MCTP2: variants seen among roughly 807,000 people sequenced by gnomAD.
MCTP2 encodes the protein multiple C2 and transmembrane domain containing 2, also known as multiple C2 and transmembrane domain-containing protein 2.
A neutral mutation model predicts 111.6 loss-of-function variants in MCTP2; 132 were observed. That is an observed-to-expected ratio of 1.18 (90% confidence interval 1.03 to 1.37). The LOEUF is 1.37. Among genes scored for constraint, MCTP2 ranks in the 40% most tolerant of loss-of-function variants. The pLI, the probability that MCTP2 is intolerant of heterozygous loss-of-function variation, is 0.00. For synonymous variants in MCTP2, 395 were observed against 387.7 expected, an observed-to-expected ratio of 1.02 and a Z score of -0.22; for missense variants, 1,183 against 1,067.9, an observed-to-expected ratio of 1.11 and a Z score of -1.50.
chr15:94,341,195 T>C (rs1278114295), intron 7 of MCTP2: 4 of 364,230 alleles, frequency 1.1e-5, no homozygotes, highest in African/African-American at 4.1e-5. Flanking sequence ...TTCTTTCTTC[T>C]TTTACTTTTA....
At chr15:94,332,926 C>T (rs193288455) in intron 4 of MCTP2, among the ~76,000 whole-genome samples, 1 of 152,162 alleles carries the variant, frequency 6.6e-6, no homozygotes, top group East Asian at 1.9e-4. Context: ...TAAACTGAAT[C>T]ATAGAAATAT....
At position 94,393,893 on chromosome 15, in the gene MCTP2, T is replaced by A. The variant is rs183094495; in HGVS notation, c.1789-5068T>A. 8.6e-5 allele frequency among the ~76,000 whole-genome samples: 13 copies of A among 151,500 alleles called. No individual in the cohort carries two copies. In the East Asian group the frequency reaches 2.3e-3, roughly 27 times the overall value. ...GGTGAAACCTTGTCTCTACTAAAAA[T>A]ACAAAAATTAGCTGGGCGTGGTGGC... On this transcript the variant is annotated intron_variant, in intron 14 of 22. Coordinates refer to ENST00000357742, the MANE Select transcript of MCTP2 (RefSeq NM_001385001.1).
intron 2 of MCTP2, among the ~76,000 whole-genome samples, chr15:94,302,050 T>C (rs902689155): frequency 2.0e-5 from 3 of 152,154 alleles, no homozygotes; most frequent in Non-Finnish European, 4.4e-5. Context: ...CAATCAGATT[T>C]TTGTCCAGTG....
chr15:94,454,025 A>G (rs1002331449), intron 19 of MCTP2, among the ~76,000 whole-genome samples: 1 of 152,228 alleles, frequency 6.6e-6, no homozygotes, highest in African/African-American at 2.4e-5. Flanking sequence ...TCGTACATAT[A>G]TGAAAAATGA....
chr15:94,308,714 CT>C (rs76169169), intron 2 of MCTP2, among the ~76,000 whole-genome samples: 2 of 151,484 alleles, frequency 1.3e-5, no homozygotes, highest in African/African-American at 4.9e-5. Flanking sequence ...GGTTGATAAA[CT>C]TTTTTTTTAG....
intron 17 of MCTP2, among the ~76,000 whole-genome samples, chr15:94,403,746 T>A (rs2081732936): frequency 6.6e-6 from 1 of 152,228 alleles, no homozygotes; most frequent in South Asian, 2.1e-4. Flanking sequence ...CTGAGCTTCA[T>A]GCCTCGGAGC....
chr15:94,379,375 G>T (rs533462085), intron 12 of MCTP2, among the ~76,000 whole-genome samples: 2 of 152,216 alleles, frequency 1.3e-5, no homozygotes, highest in East Asian at 1.9e-4. Context: ...TAAACAAATG[G>T]TTGGAAATAA....
At chr15:94,245,838 CA>C (rs1427778617) in intron 1 of MCTP2, among the ~76,000 whole-genome samples, 2 of 151,310 alleles carry the variant, frequency 1.3e-5, no homozygotes, top group East Asian at 3.9e-4. Context: ...CCCCCCCAGC[CA>C]AAAATATTGA....
At chr15:94,262,999 C>T (rs1041233536) in intron 1 of MCTP2, among the ~76,000 whole-genome samples, 1 of 152,156 alleles carries the variant, frequency 6.6e-6, no homozygotes, top group Non-Finnish European at 1.5e-5. Flanking sequence ...AGAAAATATA[C>T]TGCAGGAGTC....
At chr15:94,299,034 C>CT in intron 2 of MCTP2, among the ~76,000 whole-genome samples, 1 of 123,612 alleles carries the variant, frequency 8.1e-6, no homozygotes, top group Non-Finnish European at 1.7e-5. Context: ...TCTCTCCCTC[C>CT]CCCTCCCCCT....
At chr15:94,302,754 T>C (rs2075682763) in intron 2 of MCTP2, among the ~76,000 whole-genome samples, 1 of 152,202 alleles carries the variant, frequency 6.6e-6, no homozygotes. Flanking sequence ...ATAATGGTAG[T>C]CTCTTACTTT....
chr15:94,243,242 C>A (rs569541671), intron 1 of MCTP2, among the ~76,000 whole-genome samples: 1 of 147,782 alleles, frequency 6.8e-6, no homozygotes, highest in Admixed American at 6.7e-5. Context: ...CATACACATG[C>A]GTATATGCGT....
Position 94,419,544 on chromosome 15 carries a change from G to A in MCTP2, c.2085+17525G>A, listed in dbSNP as rs117200296. 5.0e-3 allele frequency among the ~76,000 whole-genome samples: 753 copies of A among 152,078 alleles called. 4 individuals are homozygous for A. The highest frequency in any genetic ancestry group is 7.9e-3 in the Non-Finnish European group (536 of 67,968). The stretch of plus-strand genomic sequence containing the variant: ...TGCCAAGGCCATTCTTCCATTATTG[G>A]TGTCTCTTTCCCTTTCTCTAAATAG... On this transcript the variant is annotated intron_variant, in intron 17 of 22. Coordinates refer to ENST00000357742, the MANE Select transcript of MCTP2 (RefSeq NM_001385001.1).
At chr15:94,452,821 A>G (rs2084550151) in intron 19 of MCTP2, among the ~76,000 whole-genome samples, 1 of 152,232 alleles carries the variant, frequency 6.6e-6, no homozygotes, top group Non-Finnish European at 1.5e-5. Flanking sequence ...CCATTTTTAA[A>G]GCCTTTCAGA....
intron 3 of MCTP2, chr15:94,314,830 A>G: frequency 2.2e-6 from 1 of 451,996 alleles, no homozygotes; most frequent in Non-Finnish European, 4.4e-6. Flanking sequence ...GAGTTGATGC[A>G]TTTCTGGAGG....
At chr15:94,308,036 C>G (rs2075966660) in intron 2 of MCTP2, among the ~76,000 whole-genome samples, 1 of 152,184 alleles carries the variant, frequency 6.6e-6, no homozygotes, top group African/African-American at 2.4e-5. Flanking sequence ...GTGTAAGGAA[C>G]TCTGCTAATT....
intron 1 of MCTP2, among the ~76,000 whole-genome samples, chr15:94,288,278 C>G (rs916984765): frequency 6.6e-6 from 1 of 152,168 alleles, no homozygotes; most frequent in African/African-American, 2.4e-5. Flanking sequence ...CAGGAGACAG[C>G]TGAGAAGGAA....
At chr15:94,246,091 C>A (rs1022645072) in intron 1 of MCTP2, among the ~76,000 whole-genome samples, 1 of 151,940 alleles carries the variant, frequency 6.6e-6, no homozygotes, top group Admixed American at 6.6e-5. Flanking sequence ...GGGGAGAGGT[C>A]GTCACTTTTA....
chr15:94,298,190 C>G lies in MCTP2; in HGVS notation c.-65-11C>G. 37 of 927,094 alleles carry G rather than the reference C, an allele frequency of 4.0e-5. No homozygotes were observed. The highest frequency in any genetic ancestry group is 3.5e-5 in the Non-Finnish European group (24 of 683,362). The allele number at this position is 927,094 out of a possible 1,614,324, so 57.4% of individuals were successfully genotyped here. A position where few individuals can be genotyped will look rare whatever the true frequency, so the allele number is the denominator to read the frequency against. ...TTTGTTTGTTTTTTGTTGTTTTTTTCTGTTTTATAGGAGTCATTGCAGTTT... is the reference window on the plus strand; with the variant it reads ...TTTGTTTGTTTTTTGTTGTTTTTTTGTGTTTTATAGGAGTCATTGCAGTTT... On this transcript the variant is annotated splice_polypyrimidine_tract_variant and intron_variant, in intron 1 of 22. Transcript: ENST00000357742.
Sources: gnomAD v4.1 joint callset for allele counts (sites outside exome capture counted in the v4.1 genomes callset) on GRCh38, gnomAD v4.1.1 for gene constraint, MANE v1.5 for transcripts, NCBI Gene and HGNC (gene_info 2026-07-23, HGNC 2026-07-21) for gene names.